RNF24: variants seen among roughly 807,000 people sequenced by gnomAD.
RNF24 encodes the protein ring finger protein 24.
In RNF24, 14 loss-of-function variants were observed where a neutral mutation model predicts 20.0. The observed-to-expected ratio is 0.70, with a 90% CI of 0.46 to 1.10. RNF24 has a LOEUF of 1.10. Ranked by LOEUF, RNF24 falls within the 50% of genes least tolerant of loss-of-function variation. RNF24 has a pLI of 0.00. For synonymous variants in RNF24, 45 were observed against 61.1 expected, an observed-to-expected ratio of 0.74 and a Z score of 1.23; for missense variants, 124 against 177.6, an observed-to-expected ratio of 0.70 and a Z score of 1.71.
At chr20:3,954,966 G>A (rs1308709442) in intron 2 of RNF24, among the ~76,000 whole-genome samples, 2 of 150,540 alleles carry the variant, frequency 1.3e-5, no homozygotes, top group Non-Finnish European at 3.0e-5. Context: ...GCATCATTTT[G>A]CATTTCTACC....
At chr20:3,996,611 G>A (rs1980885935) in intron 1 of RNF24, among the ~76,000 whole-genome samples, 1 of 151,994 alleles carries the variant, frequency 6.6e-6, no homozygotes, top group Non-Finnish European at 1.5e-5. Flanking sequence ...TTTTTGGTTG[G>A]GCATGTGACT....
chr20:3,938,130 T>C (rs2090913977), intron 4 of RNF24, among the ~76,000 whole-genome samples: 1 of 152,232 alleles, frequency 6.6e-6, no homozygotes, highest in African/African-American at 2.4e-5. Context: ...ATTCTTGTCT[T>C]TTTTACTATA....
intron 1 of RNF24, among the ~76,000 whole-genome samples, chr20:4,008,089 T>C (rs776875715): frequency 6.6e-6 from 1 of 151,046 alleles, no homozygotes; most frequent in Non-Finnish European, 1.5e-5. Flanking sequence ...TTATTTTTCA[T>C]TGAGTTTACT....
chr20:3,950,785 CATTAA>C (rs1182650767), intron 2 of RNF24, among the ~76,000 whole-genome samples: 3 of 152,086 alleles, frequency 2.0e-5, no homozygotes, highest in Non-Finnish European at 2.9e-5. Context: ...TTATCAAAAC[CATTAA>C]ATTAACATTG....
intron 1 of RNF24, among the ~76,000 whole-genome samples, chr20:3,990,269 C>A (rs1375108959): frequency 1.3e-5 from 2 of 152,090 alleles, no homozygotes; most frequent in African/African-American, 4.8e-5. Flanking sequence ...TCCACAGAAA[C>A]TTTCTGCTTG....
chr20:3,978,190 A>G (rs1297206137), intron 1 of RNF24, among the ~76,000 whole-genome samples: 1 of 151,222 alleles, frequency 6.6e-6, no homozygotes, highest in East Asian at 2.0e-4. Flanking sequence ...GGTGTGTGCC[A>G]CCATACCCGG....
At chr20:3,954,741 T>C (rs2091122008) in intron 2 of RNF24, among the ~76,000 whole-genome samples, 1 of 151,912 alleles carries the variant, frequency 6.6e-6, no homozygotes, top group South Asian at 2.1e-4. Context: ...CTACTAAAAA[T>C]ACAAAAAATT....
intron 1 of RNF24, among the ~76,000 whole-genome samples, chr20:3,985,494 G>C (rs1180366945): frequency 6.6e-6 from 1 of 151,780 alleles, no homozygotes; most frequent in Non-Finnish European, 1.5e-5. Context: ...TCACATTTTG[G>C]ATTTTTTCTG....
At chr20:3,960,191 C>T (rs1261079377) in intron 2 of RNF24, among the ~76,000 whole-genome samples, 3 of 152,100 alleles carry the variant, frequency 2.0e-5, no homozygotes, top group African/African-American at 7.2e-5. Context: ...ACAGAAGAAC[C>T]TCCTGGGAAG....
chr20:3,980,085 A>G (rs1979253855), intron 1 of RNF24, among the ~76,000 whole-genome samples: 1 of 152,248 alleles, frequency 6.6e-6, no homozygotes, highest in Admixed American at 6.5e-5. Flanking sequence ...GCAGAGATTT[A>G]AAAACATCCA....
chr20:3,968,841 C>T (rs1422573911), intron 1 of RNF24, among the ~76,000 whole-genome samples: 2 of 151,604 alleles, frequency 1.3e-5, no homozygotes, highest in Non-Finnish European at 2.9e-5. Flanking sequence ...AAAATAAGAC[C>T]TATATTTGGA....
At chr20:3,969,093 T>C (rs2091287938) in intron 1 of RNF24, among the ~76,000 whole-genome samples, 1 of 152,160 alleles carries the variant, frequency 6.6e-6, no homozygotes, top group Non-Finnish European at 1.5e-5. Context: ...ATAATACTAG[T>C]AACTATTTCA....
At chr20:3,972,998 T>C (rs534132791) in intron 1 of RNF24, among the ~76,000 whole-genome samples, 151 of 149,338 alleles carry the variant, frequency 1.0e-3, no homozygotes, top group Non-Finnish European at 1.9e-3. Flanking sequence ...AGGTTAGGAG[T>C]TTGAGACCAG....
Position 3,928,587 on chromosome 20 carries a change from C to G in RNF24, c.*5476G>C, listed in dbSNP as rs1365755249. The G allele has an allele frequency of 9.2e-5, 14 of 151,842 alleles. No homozygotes were observed. The highest frequency in any genetic ancestry group is 9.2e-4 in the Admixed American group (14 of 15,236). The allele number at this position is 151,842 out of a possible 1,614,324, so 9.4% of individuals were successfully genotyped here. ...CCTGGCTAACACGGTGAAACTCCGT[C>G]TGTACTAAAAATACAAAAAATTAGC... On this transcript the variant is annotated 3_prime_UTR_variant, in exon 6 of 6. Transcript: ENST00000358395.
chr20:3,968,434 C>T (rs573260849), intron 1 of RNF24, among the ~76,000 whole-genome samples: 3 of 152,102 alleles, frequency 2.0e-5, no homozygotes, highest in African/African-American at 7.2e-5. Flanking sequence ...CACAGGGAGA[C>T]CCCACCTGTA....
intron 4 of RNF24, among the ~76,000 whole-genome samples, chr20:3,941,934 C>CGTG (rs1427136708): frequency 6.6e-6 from 1 of 151,632 alleles, no homozygotes; most frequent in East Asian, 2.0e-4. Context: ...ATTAGCTGGG[C>CGTG]GTGGTGGTGG....
rs2146927686 is a variant in RNF24 at position 3,930,539 on chromosome 20, A to C, written c.*3524T>G. On this transcript the variant is annotated 3_prime_UTR_variant, in exon 6 of 6. Coordinates refer to ENST00000358395, the MANE Select transcript of RNF24 (RefSeq NM_001134337.3). ...GTGGTAGCTAAGGAAGCTAAGGAAG[A>C]GACTGAGAGGCTAACCTGCAGAAGG... 6.6e-6 allele frequency: 1 copy of C among 152,302 alleles called. No individual in the cohort carries two copies. Among genetic ancestry groups the C allele is most frequent in the Middle Eastern group, 3.4e-3 (1 of 294 alleles). 9.4% of individuals were successfully genotyped at this position (152,302 alleles called of 1,614,324 possible). A position where few individuals can be genotyped will look rare whatever the true frequency, so the allele number is the denominator to read the frequency against.
At chr20:4,010,083 AAACAAAC>A (rs869090127) in intron 1 of RNF24, among the ~76,000 whole-genome samples, 2 of 149,314 alleles carry the variant, frequency 1.3e-5, no homozygotes, top group African/African-American at 5.0e-5. Context: ...ACAAACAAAC[AAACAAAC>A]AAGGCCAGAT....
intron 2 of RNF24, among the ~76,000 whole-genome samples, chr20:3,961,342 G>A (rs1049532404): frequency 6.6e-6 from 1 of 151,566 alleles, no homozygotes. Flanking sequence ...TTGAGGCTTT[G>A]GTGAGCCTCA....
Sources: gnomAD v4.1 joint callset for allele counts (sites outside exome capture counted in the v4.1 genomes callset) on GRCh38, gnomAD v4.1.1 for gene constraint, MANE v1.5 for transcripts, NCBI Gene and HGNC (gene_info 2026-07-23, HGNC 2026-07-21) for gene names.